Variants in ABCA2 observed in about 807,000 individuals in gnomAD.
ABCA2 encodes ATP binding cassette subfamily A member 2, also known as ATP-binding cassette sub-family A member 2.
A neutral mutation model predicts 262.8 loss-of-function variants in ABCA2; 84 were observed. The observed-to-expected ratio is 0.32, with a 90% CI of 0.27 to 0.38. ABCA2 has a LOEUF of 0.38. ABCA2 is among the 10% of genes least tolerant of loss of function. The pLI is 1.00. For synonymous variants in ABCA2, 1,696 were observed against 1,502.9 expected (o/e 1.13, Z -2.97); for missense variants, 2,662 against 3,405.9 (o/e 0.78, Z 5.44).
At chr9:137,012,224 G>GCCCCCC in intron 33 of ABCA2, 41 bp downstream of exon 33, 6 of 1,091,154 alleles carry the variant, frequency 5.5e-6, no homozygotes, top group South Asian at 1.3e-5. Flanking sequence ...CCCGGCCCCA[G>GCCCCCC]CTCCTCCCCG....
chr9:137,023,557 G>A, intron 3 of ABCA2: 1 of 741,918 alleles, frequency 1.3e-6, no homozygotes, highest in Non-Finnish European at 2.5e-6. Context: ...CAGCCCAGAA[G>A]CCGAGGCACC....
At chr9:137,024,304 A>G in intron 1 of ABCA2, 68 bp from the exon 2 acceptor site, 1 of 1,399,178 alleles carries the variant, frequency 7.1e-7, no homozygotes, top group South Asian at 1.3e-5. Context: ...CCAGCCTCCC[A>G]TAGGGCTGGC....
intron 9 of ABCA2, 83 bp downstream of exon 9, chr9:137,020,611 C>G: frequency 6.4e-7 from 1 of 1,561,888 alleles, no homozygotes; most frequent in Non-Finnish European, 8.6e-7. Flanking sequence ...CAAATGAGAC[C>G]TCCAGAGCCA....
rs766840634 is a variant in ABCA2 at position 137,008,885 on chromosome 9, C to G, written c.6931-17G>C. On this transcript the variant is annotated splice_polypyrimidine_tract_variant and intron_variant, in intron 46 of 48. Coordinates refer to ENST00000341511, the MANE Select transcript of ABCA2 (RefSeq NM_001606.5). ...GTGCCGCTCCTGCAGGGGGGGAGGT[C>G]AGAGGCCTGGCAGCGCCCCCCCACC... 7 of 1,602,348 alleles carry G rather than the reference C, an allele frequency of 4.4e-6. No individual in the cohort carries two copies. In the Admixed American group the frequency reaches 1.0e-4, roughly 23 times the overall value.
chr9:137,009,936 G>C (rs1467773830), intron 42 of ABCA2, 33 bp from the exon 43 acceptor site: 1 of 1,599,040 alleles, frequency 6.3e-7, no homozygotes, highest in Admixed American at 1.7e-5. Flanking sequence ...AGTGGAGGCA[G>C]GGCCACCCAG....
chr9:137,019,048 T>C lies in ABCA2; in HGVS notation c.1577A>G (p.His526Arg). The C allele has an allele frequency of 6.2e-7, 1 of 1,611,568 alleles. No individual in the cohort carries two copies. Among genetic ancestry groups the C allele is most frequent in the Non-Finnish European group, 8.5e-7 (1 of 1,179,032 alleles). Residue 526 changes from histidine (H) to arginine (R), a missense_variant, in exon 12 of 49, where the codon CAC (histidine) becomes CGC (arginine). His to Arg is a conservative substitution (Grantham distance 29). Around this residue, in one of 12 missense-constraint regions of ABCA2, gnomAD observed 187 missense variants for 205.9 expected, o/e 0.91. Coordinates refer to ENST00000341511, the MANE Select transcript of ABCA2 (RefSeq NM_001606.5). This position sits in a 1 kb window ranked among gnomAD's most constrained non-coding sequence, Gnocchi z 4.4. ...LQQYVAELRL[H>R]PEALNLSLDE... ...CAGTGACAGGTTCAGTGCCTCGGGGTGCAGCCGCAGCTCTGCTACATACTT... is the reference window on the plus strand; with the variant it reads ...CAGTGACAGGTTCAGTGCCTCGGGGCGCAGCCGCAGCTCTGCTACATACTT...
In ABCA2 at chr9:137,021,151, G is replaced by T; in HGVS notation, c.898-90C>A. On this transcript the variant is annotated intron_variant, in intron 8 of 48. Coordinates refer to ENST00000341511, the MANE Select transcript of ABCA2 (RefSeq NM_001606.5). The surrounding 1 kb of genome is among the most constrained non-coding windows in gnomAD (Gnocchi z 6.0). ...GAGTGGAGCAGGGAGACAGCAGCAGGGAGACACAAGCTAGGGGTGCTGGGA... is the reference window on the plus strand; with the variant it reads ...GAGTGGAGCAGGGAGACAGCAGCAGTGAGACACAAGCTAGGGGTGCTGGGA... The T allele has an allele frequency of 7.0e-7, 1 of 1,429,362 alleles. No homozygotes were observed. The allele number at this position is 1,429,362 out of a possible 1,614,324, so 88.5% of individuals were successfully genotyped here.
intron 46 of ABCA2, 29 bp from the exon 47 acceptor site, chr9:137,008,897 A>G (rs1265527599): frequency 1.3e-6 from 2 of 1,540,500 alleles, no homozygotes; most frequent in Non-Finnish European, 1.7e-6. Flanking sequence ...GAGGCCTGGC[A>G]GCGCCCCCCC....
intron 13 of ABCA2, 122 bp downstream of exon 13, chr9:137,018,597 C>T (rs1237445732): frequency 2.6e-5 from 14 of 530,140 alleles, no homozygotes; most frequent in African/African-American, 1.9e-4. Context: ...GGGGAAGTGG[C>T]GGGTGAGGGG....
chr9:137,014,184 G>T lies in ABCA2; in HGVS notation c.4224C>A (p.Asp1408Glu). The T allele has an allele frequency of 6.2e-7, 1 of 1,608,440 alleles. No homozygotes were observed. The highest frequency in any genetic ancestry group is 2.2e-5 in the East Asian group (1 of 44,778). ...RPLFDNPQDP[D>E]NVSLQEVEAE... Reference sequence around the variant, plus strand: ...CACCCCCACCTTGCAGGCTGACATTGTCTGGGTCCTGTGGGTTATCAAAGA... The same window carrying T: ...CACCCCCACCTTGCAGGCTGACATTTTCTGGGTCCTGTGGGTTATCAAAGA... Residue 1408 changes from aspartate to glutamate, a missense_variant, in exon 27 of 49, where the codon GAC (aspartate) becomes GAA (glutamate). Coordinates refer to ENST00000341511, the MANE Select transcript of ABCA2 (RefSeq NM_001606.5).
At position 137,017,596 on chromosome 9, in the gene ABCA2, C is replaced by T. The variant is rs201934078; in HGVS notation, c.2308G>A (p.Ala770Thr). ...AGCACCTGGCCGTACTTCAGGATGG[C>T]GGTGAGTGCTGTCACGGAGATGGAC... ...QLSISVTALT[A>T]ILKYGQVLMH... Residue 770 changes from alanine to threonine, a missense_variant, in exon 17 of 49, where the codon GCC (alanine) becomes ACC (threonine). By Grantham distance (58) the Ala-to-Thr change is moderately conservative. Around this residue, in one of 12 missense-constraint regions of ABCA2, gnomAD observed 188 missense variants for 343.4 expected, o/e 0.55. Transcript: ENST00000341511. The T allele has an allele frequency of 4.3e-6, 7 of 1,612,752 alleles. No homozygotes were observed. The highest frequency in any genetic ancestry group is 1.6e-4 in the Middle Eastern group (1 of 6,062).
intron 5 of ABCA2, 46 bp downstream of exon 5, chr9:137,022,656 G>A: frequency 1.3e-6 from 2 of 1,583,676 alleles, no homozygotes; most frequent in Non-Finnish European, 1.7e-6. Flanking sequence ...TGACAGCAGA[G>A]CTTTGCCCGC....
chr9:137,013,664 G>A, intron 28 of ABCA2, 101 bp from the exon 29 acceptor site: 1 of 1,390,980 alleles, frequency 7.2e-7, no homozygotes, highest in East Asian at 2.4e-5. Context: ...CCACGCCTGG[G>A]GTCTGGGACC....
chr9:137,009,602 G>A lies in ABCA2; in HGVS notation c.6673C>T (p.Leu2225Phe). 1.2e-6 allele frequency: 2 copies of A among 1,613,008 alleles called. No homozygotes were observed. Among genetic ancestry groups the A allele is most frequent in the Non-Finnish European group, 1.7e-6 (2 of 1,179,926 alleles). The change falls in exon 44 of 49, where the codon CTC becomes TTC. Residue 2225 changes from leucine (L) to phenylalanine (F), a missense_variant. By Grantham distance (22) the Leu-to-Phe change is conservative. Around this residue, in one of 12 missense-constraint regions of ABCA2, gnomAD observed 602 missense variants for 897.4 expected, o/e 0.67. Transcript: ENST00000341511. ...TGMDPKARRF[L>F]WNLILDLIKT... ...ATGAGGTCAAGGATGAGGTTCCAGA[G>A]GAAGCGCCGGGCCTTGGGGTCCATG... is the stretch of plus-strand genomic sequence containing the variant.
chr9:137,014,808 G>A lies in ABCA2; in HGVS notation c.3885C>T (p.His1295=). The A allele has an allele frequency of 6.3e-7, 1 of 1,599,584 alleles. No homozygotes were observed. The highest frequency in any genetic ancestry group is 2.3e-5 in the East Asian group (1 of 44,444). Residue 1295 remains histidine (H), a splice_region_variant and synonymous_variant, in exon 26 of 49, where the codon CAC becomes CAT. Transcript: ENST00000341511. ...GCAGTGCATCCAGGCTGCGCTCCAG[G>A]TGCTGCAGGGGCGGTGGAGGGGGAG... The part of the protein sequence containing the change: ...KKGAFERLFQ[H]LERSLDALHL...
At chr9:137,022,632 G>C (rs1831510882) in intron 5 of ABCA2, 70 bp downstream of exon 5, 1 of 1,567,674 alleles carries the variant, frequency 6.4e-7, no homozygotes, top group Non-Finnish European at 8.6e-7. Flanking sequence ...GAGTGGATGT[G>C]GGCTTCAGCC....
chr9:137,015,286 C>T, intron 24 of ABCA2, 128 bp downstream of exon 24: 1 of 1,282,632 alleles, frequency 7.8e-7, no homozygotes. Context: ...GAGGGCGGGC[C>T]AGGCCCCAGC....
At chr9:137,010,887 G>GC in intron 39 of ABCA2, 86 bp downstream of exon 39, 1 of 497,012 alleles carries the variant, frequency 2.0e-6, no homozygotes, top group South Asian at 2.6e-5. Flanking sequence ...CCCCATCCCT[G>GC]CCCCCACCCC....
chr9:137,008,515 C>T lies in ABCA2; in HGVS notation c.7176G>A (p.Arg2392=). ...GGAGCTCCGTGGGGGCAGACCGGGG[C>T]CGGAGCAGGCTGAGCAAGCAGCCGA... The part of the protein sequence containing the change: ...SPLGCLLSLL[R]PRSAPTELRA... The change falls in exon 48 of 49, where the codon CGG becomes CGA. Residue 2392 remains arginine, a synonymous_variant. Transcript: ENST00000341511. 3 of 1,589,824 alleles carry T rather than the reference C, an allele frequency of 1.9e-6. No homozygotes were observed. The highest frequency in any genetic ancestry group is 2.6e-6 in the Non-Finnish European group (3 of 1,168,784).
Sources: gnomAD v4.1 joint callset for allele counts on GRCh38, gnomAD v4.1.1 for gene constraint, gnomAD v4.1.1 regional missense constraint, Gnocchi (gnomAD v3.1) non-coding constraint, MANE v1.5 for transcripts, NCBI Gene and HGNC (gene_info 2026-07-23, HGNC 2026-07-21) for gene names.